The following IGSF21 variants were observed in gnomAD, a reference collection of about 807,000 sequenced individuals.
IGSF21 encodes the protein immunoglobulin superfamily member 21.
IGSF21 carries 28 observed loss-of-function variants against 46.8 expected under a neutral mutation model. The ratio of observed to expected loss-of-function variants is 0.60; its 90% CI spans 0.44 to 0.82. IGSF21 has a LOEUF of 0.82. Ranked by LOEUF, IGSF21 falls within the 40% of genes least tolerant of loss-of-function variation. IGSF21 has a pLI of 0.00. For missense variants in IGSF21, 624 were observed against 665.5 expected (o/e 0.94, Z 0.69); for synonymous variants, 284 against 273.6 (o/e 1.04, Z -0.38).
chr1:18,182,445 C>T (rs1433493232), intron 1 of IGSF21, among the ~76,000 whole-genome samples: 1 of 152,136 alleles, frequency 6.6e-6, no homozygotes, highest in Non-Finnish European at 1.5e-5. Context: ...TCCCAAAGTG[C>T]TAGGATTACA....
intron 2 of IGSF21, among the ~76,000 whole-genome samples, chr1:18,281,787 G>A (rs2085163599): frequency 1.3e-5 from 2 of 152,146 alleles, no homozygotes; most frequent in Non-Finnish European, 2.9e-5. Flanking sequence ...GGGAGGCAGG[G>A]AGGAGGCAGC....
In IGSF21 at chr1:18,200,108, C is replaced by T. The variant is rs997035461; in HGVS notation, c.71-27790C>T. 6.0e-4 allele frequency among the ~76,000 whole-genome samples: 91 copies of T among 152,194 alleles called. 1 individual carries two copies. Among genetic ancestry groups the T allele is most frequent in the Non-Finnish European group, 1.9e-4 (13 of 68,038 alleles). ...CATTGTGGGACAGTGGGAAGGCTTG[C>T]CTTAGTTCTTGGTTCACATCCGGGC... On this transcript the variant is annotated intron_variant, in intron 1 of 9. Coordinates refer to ENST00000251296, the MANE Select transcript of IGSF21 (RefSeq NM_032880.5).
At chr1:18,148,219 C>T (rs1297206862) in intron 1 of IGSF21, among the ~76,000 whole-genome samples, 1 of 151,166 alleles carries the variant, frequency 6.6e-6, no homozygotes, top group Non-Finnish European at 1.5e-5. Flanking sequence ...CAAGCTCCGC[C>T]TCCTGGGTTC....
chr1:18,125,905 A>T (rs2086271083), intron 1 of IGSF21, among the ~76,000 whole-genome samples: 1 of 152,196 alleles, frequency 6.6e-6, no homozygotes, highest in African/African-American at 2.4e-5. Flanking sequence ...GCTGCCAAGA[A>T]GTCAAGAAAG....
intron 1 of IGSF21, among the ~76,000 whole-genome samples, chr1:18,143,166 G>T (rs1024002872): frequency 4.6e-5 from 7 of 152,220 alleles, no homozygotes; most frequent in African/African-American, 7.2e-5. Flanking sequence ...CCCTGGGCCT[G>T]CGTCCTTGAG....
intron 3 of IGSF21, among the ~76,000 whole-genome samples, chr1:18,296,482 A>C (rs2085313458): frequency 6.6e-6 from 1 of 152,202 alleles, no homozygotes; most frequent in African/African-American, 2.4e-5. Flanking sequence ...AGCTAAGGGC[A>C]GTAAACTGGG....
intron 1 of IGSF21, among the ~76,000 whole-genome samples, chr1:18,180,001 A>G (rs1319883710): frequency 6.6e-6 from 1 of 152,118 alleles, no homozygotes; most frequent in Non-Finnish European, 1.5e-5. Flanking sequence ...CTTTCCTGGT[A>G]TTTGAGTGAC....
chr1:18,305,995 C>T (rs2085422584), intron 3 of IGSF21, among the ~76,000 whole-genome samples: 2 of 152,188 alleles, frequency 1.3e-5, no homozygotes, highest in African/African-American at 2.4e-5. Flanking sequence ...AACTTAGGTC[C>T]TTTCTCTGTG....
intron 2 of IGSF21, among the ~76,000 whole-genome samples, chr1:18,267,224 C>T (rs962794796): frequency 6.6e-6 from 1 of 152,142 alleles, no homozygotes; most frequent in Non-Finnish European, 1.5e-5. Context: ...TGAGGACCAG[C>T]TGATTTGGGG....
At chr1:18,378,203 T>C in intron 9 of IGSF21, 53 bp from the exon 10 acceptor site, 2 of 1,479,482 alleles carry the variant, frequency 1.4e-6, no homozygotes, top group East Asian at 2.3e-5. Flanking sequence ...TCTGCTGTTC[T>C]GGAACGGGGT....
intron 1 of IGSF21, among the ~76,000 whole-genome samples, chr1:18,151,092 C>T (rs1014780229): frequency 6.6e-6 from 1 of 152,212 alleles, no homozygotes; most frequent in Non-Finnish European, 1.5e-5. Context: ...CTGAGCGTCC[C>T]AGGGCCTCTA....
At chr1:18,121,908 A>C (rs1233894370) in intron 1 of IGSF21, among the ~76,000 whole-genome samples, 1 of 152,190 alleles carries the variant, frequency 6.6e-6, no homozygotes, top group Non-Finnish European at 1.5e-5. Flanking sequence ...CAGTTGAATA[A>C]GGGGACACGT....
At chr1:18,348,089 G>C (rs1346405325) in intron 4 of IGSF21, among the ~76,000 whole-genome samples, 1 of 152,198 alleles carries the variant, frequency 6.6e-6, no homozygotes, top group Non-Finnish European at 1.5e-5. Flanking sequence ...CTTAGGAGAT[G>C]GGTATTTCTA....
At chr1:18,219,854 G>A (rs1397842628) in intron 1 of IGSF21, among the ~76,000 whole-genome samples, 1 of 152,186 alleles carries the variant, frequency 6.6e-6, no homozygotes, top group Non-Finnish European at 1.5e-5. Flanking sequence ...TGGCTAATCT[G>A]AGTCCATGCA....
intron 1 of IGSF21, among the ~76,000 whole-genome samples, chr1:18,198,397 A>C (rs555868575): frequency 2.0e-5 from 3 of 152,302 alleles, no homozygotes; most frequent in Admixed American, 6.5e-5. Flanking sequence ...GGCCCTGCCC[A>C]TGCAGAGAGG....
chr1:18,343,802 A>G (rs956248119), intron 4 of IGSF21, among the ~76,000 whole-genome samples: 4 of 152,150 alleles, frequency 2.6e-5, no homozygotes, highest in African/African-American at 9.7e-5. Flanking sequence ...ACTGCTCTAT[A>G]TGTCTATCCC....
chr1:18,349,075 T>G (rs1016595402), intron 4 of IGSF21, among the ~76,000 whole-genome samples: 1 of 152,204 alleles, frequency 6.6e-6, no homozygotes, highest in Non-Finnish European at 1.5e-5. Context: ...TTAAGAGCTT[T>G]CTTTGGTTTA....
intron 3 of IGSF21, among the ~76,000 whole-genome samples, chr1:18,314,839 A>G (rs1046360368): frequency 2.6e-5 from 4 of 152,176 alleles, no homozygotes; most frequent in African/African-American, 9.7e-5. Context: ...GAGGAGGGGA[A>G]GAGCTGGATG....
intron 3 of IGSF21, among the ~76,000 whole-genome samples, chr1:18,296,814 C>G (rs565112167): frequency 3.3e-5 from 5 of 152,178 alleles, no homozygotes; most frequent in African/African-American, 9.7e-5. Context: ...GCTGTGTCTT[C>G]CATTTCCTGA....
Sources: gnomAD v4.1 joint callset for allele counts (sites outside exome capture counted in the v4.1 genomes callset) on GRCh38, gnomAD v4.1.1 for gene constraint, MANE v1.5 for transcripts, NCBI Gene and HGNC (gene_info 2026-07-23, HGNC 2026-07-21) for gene names.